Variants in WWOX observed in about 807,000 individuals in gnomAD.
The protein encoded by WWOX is WW domain containing oxidoreductase, also known as WW domain-containing oxidoreductase.
WWOX carries 69 observed loss-of-function variants against 46.2 expected under a neutral mutation model. That is an observed-to-expected ratio of 1.49 (90% confidence interval 1.23 to 1.82). The LOEUF is 1.82. Among genes scored for constraint, WWOX ranks in the 40% most tolerant of loss-of-function variants. The pLI is 0.00. For synonymous variants in WWOX, 359 were observed against 202.6 expected (o/e 1.77, Z -6.56); for missense variants, 919 against 542.6 (o/e 1.69, Z -6.89).
At chr16:78,177,879 G>A (rs921015212) in intron 5 of WWOX, among the ~76,000 whole-genome samples, 1 of 152,232 alleles carries the variant, frequency 6.6e-6, no homozygotes, top group Non-Finnish European at 1.5e-5. Flanking sequence ...GAACAGACTT[G>A]CTTAGTTCCT....
chr16:79,094,845 A>C (rs980106511), intron 8 of WWOX, among the ~76,000 whole-genome samples: 2 of 152,294 alleles, frequency 1.3e-5, no homozygotes, highest in South Asian at 4.1e-4. Context: ...ATATTTATTG[A>C]GCCAACAGGT....
chr16:79,059,197 C>T (rs1042379067), intron 8 of WWOX, among the ~76,000 whole-genome samples: 2 of 152,156 alleles, frequency 1.3e-5, no homozygotes, highest in African/African-American at 4.8e-5. Context: ...TGGATTTCAT[C>T]CTAAAACTCC....
rs748534396 is a variant in WWOX at position 78,432,532 on chromosome 16, G to A, written c.836G>A (p.Arg279His). 5.6e-6 allele frequency: 9 copies of A among 1,614,030 alleles called. No homozygotes were observed. The highest frequency in any genetic ancestry group is 3.3e-5 in the Admixed American group (2 of 59,996). Reference sequence around the variant, plus strand: ...TCCTTGGGAAAACTGGACTTCAGTCGCCTCTCTCCAACAAAAAACGACTAT... The same window carrying A: ...TCCTTGGGAAAACTGGACTTCAGTCACCTCTCTCCAACAAAAAACGACTAT... ...NDSLGKLDFS[R>H]LSPTKNDYWA... The change falls in exon 8 of 9, where the codon CGC (arginine) becomes CAC (histidine). Residue 279 changes from arginine (R) to histidine (H), a missense_variant. Physicochemically the swap from Arg to His is conservative, Grantham distance 29. Coordinates refer to ENST00000566780, the MANE Select transcript of WWOX (RefSeq NM_016373.4).
At chr16:78,301,385 ATTTTCT>A (rs1331560986) in intron 5 of WWOX, among the ~76,000 whole-genome samples, 1 of 151,900 alleles carries the variant, frequency 6.6e-6, no homozygotes, top group Non-Finnish European at 1.5e-5. Flanking sequence ...TATACTACTA[ATTTTCT>A]TTATCGGCTA....
intron 8 of WWOX, among the ~76,000 whole-genome samples, chr16:78,916,738 A>C (rs1051505339): frequency 1.3e-5 from 2 of 152,232 alleles, no homozygotes. Context: ...ACTCTAAACT[A>C]AGTGTCTGAT....
chr16:78,819,561 C>G (rs755365489), intron 8 of WWOX, among the ~76,000 whole-genome samples: 1 of 152,202 alleles, frequency 6.6e-6, no homozygotes, highest in Non-Finnish European at 1.5e-5. Flanking sequence ...CTCGGAATTG[C>G]CACTGTGGGT....
intron 3 of WWOX, among the ~76,000 whole-genome samples, chr16:78,111,568 G>A (rs1335413449): frequency 6.6e-6 from 1 of 152,116 alleles, no homozygotes; most frequent in Admixed American, 6.5e-5. Flanking sequence ...ACCGCGAAAG[G>A]GAGTCTCCTT....
chr16:78,265,779 A>C (rs2079350357), intron 5 of WWOX, among the ~76,000 whole-genome samples: 1 of 151,438 alleles, frequency 6.6e-6, no homozygotes, highest in African/African-American at 2.4e-5. Flanking sequence ...CTGTGTCTTC[A>C]TCCTAAAATA....
At chr16:78,684,186 C>T (rs936704726) in intron 8 of WWOX, among the ~76,000 whole-genome samples, 1 of 152,202 alleles carries the variant, frequency 6.6e-6, no homozygotes, top group African/African-American at 2.4e-5. Flanking sequence ...GCGCAGAAAT[C>T]CACTGGCATG....
At chr16:78,227,999 C>G (rs979434956) in intron 5 of WWOX, among the ~76,000 whole-genome samples, 1 of 152,176 alleles carries the variant, frequency 6.6e-6, no homozygotes, top group Non-Finnish European at 1.5e-5. Context: ...GGGCACCACA[C>G]CAACATGGTC....
intron 8 of WWOX, among the ~76,000 whole-genome samples, chr16:78,894,827 C>T (rs1420723165): frequency 2.6e-5 from 4 of 152,176 alleles, no homozygotes; most frequent in African/African-American, 9.7e-5. Flanking sequence ...TTCAGTTTTC[C>T]ACAATGCGGC....
At chr16:78,872,747 G>A (rs967011477) in intron 8 of WWOX, 6 of 152,050 alleles carry the variant, frequency 3.9e-5, no homozygotes, top group African/African-American at 1.4e-4. Flanking sequence ...CCATCTTGGT[G>A]GTTTTTGAAG....
intron 8 of WWOX, among the ~76,000 whole-genome samples, chr16:78,876,121 G>A (rs1157522334): frequency 6.6e-6 from 1 of 152,034 alleles, no homozygotes; most frequent in Admixed American, 6.6e-5. Flanking sequence ...TAGTTTACAT[G>A]ACTTTCTTAC....
intron 8 of WWOX, among the ~76,000 whole-genome samples, chr16:79,167,116 T>G (rs886262668): frequency 6.6e-6 from 1 of 152,122 alleles, no homozygotes; most frequent in Non-Finnish European, 1.5e-5. Flanking sequence ...AATTTTTTTG[T>G]ATTTTATTAG....
chr16:78,890,945 T>C (rs1567629781), intron 8 of WWOX: 1 of 152,168 alleles, frequency 6.6e-6, no homozygotes, highest in Non-Finnish European at 1.5e-5. Flanking sequence ...TGTCTTTGGC[T>C]CACACTGTTT....
intron 8 of WWOX, among the ~76,000 whole-genome samples, chr16:78,994,068 T>A (rs977490450): frequency 3.3e-5 from 5 of 152,172 alleles, no homozygotes; most frequent in Non-Finnish European, 7.3e-5. Context: ...ACTGAGGATG[T>A]TTGCATTTGA....
intron 8 of WWOX, chr16:79,206,501 G>A (rs1407117966): frequency 6.6e-6 from 1 of 152,164 alleles, no homozygotes; most frequent in East Asian, 1.9e-4. Context: ...GCTCTGTGAG[G>A]GTTAGGCAAC....
chr16:79,016,357 A>G (rs769269663), intron 8 of WWOX: 1 of 152,132 alleles, frequency 6.6e-6, no homozygotes, highest in African/African-American at 2.4e-5. Flanking sequence ...TCTTCTTCCC[A>G]TTGCATGTTC....
At chr16:79,150,440 C>T (rs2050256804) in intron 8 of WWOX, among the ~76,000 whole-genome samples, 1 of 152,066 alleles carries the variant, frequency 6.6e-6, no homozygotes, top group Non-Finnish European at 1.5e-5. Flanking sequence ...AATGAAGTTG[C>T]TGTGTATACG....
Sources: gnomAD v4.1 joint callset for allele counts (sites outside exome capture counted in the v4.1 genomes callset) on GRCh38, gnomAD v4.1.1 for gene constraint, MANE v1.5 for transcripts, NCBI Gene and HGNC (gene_info 2026-07-23, HGNC 2026-07-21) for gene names.